The following RBFOX1 variants were observed in gnomAD, a reference collection of about 807,000 sequenced individuals.
The protein encoded by RBFOX1 is RNA binding fox-1 homolog 1.
A neutral mutation model predicts 57.7 loss-of-function variants in RBFOX1; 8 were observed. The ratio of observed to expected loss-of-function variants is 0.14; its 90% CI spans 0.08 to 0.25. The LOEUF (loss-of-function observed/expected upper bound fraction) is 0.25. Ranked by LOEUF, RBFOX1 falls within the 10% of genes least tolerant of loss-of-function variation. The probability of loss-of-function intolerance (pLI) is 1.00; values close to 1 mark genes in which losing one functional copy is unlikely to be tolerated. For missense variants in RBFOX1, 611 were observed against 548.5 expected, an observed-to-expected ratio of 1.11 and a Z score of -1.14; for synonymous variants, 326 against 222.4, an observed-to-expected ratio of 1.47 and a Z score of -4.15.
At chr16:7,164,334 A>G (rs184792420) in intron 4 of RBFOX1, among the ~76,000 whole-genome samples, 74 of 152,246 alleles carry the variant, frequency 4.9e-4, no homozygotes, top group Middle Eastern at 3.4e-3. Context: ...CATGGTCTGT[A>G]TATACCACAT....
chr16:6,904,404 C>G (rs2069243789), intron 3 of RBFOX1, among the ~76,000 whole-genome samples: 1 of 151,582 alleles, frequency 6.6e-6, no homozygotes, highest in Non-Finnish European at 1.5e-5. Context: ...AGTTTGAGAC[C>G]AGTCTGGCCA....
chr16:5,377,578 GAGA>G (rs1380604037), intron 1 of RBFOX1, among the ~76,000 whole-genome samples: 1 of 146,824 alleles, frequency 6.8e-6, no homozygotes, highest in African/African-American at 2.6e-5. Context: ...GGAAAGAGAG[GAGA>G]TGGGGGGAGA....
intron 2 of RBFOX1, among the ~76,000 whole-genome samples, chr16:6,567,158 C>G (rs1225853659): frequency 6.6e-6 from 1 of 152,148 alleles, no homozygotes; most frequent in East Asian, 1.9e-4. Context: ...AATGTTGACC[C>G]AGTCTTGGCA....
intron 1 of RBFOX1, among the ~76,000 whole-genome samples, chr16:5,372,549 C>T (rs964739508): frequency 1.3e-5 from 2 of 152,212 alleles, no homozygotes; most frequent in Non-Finnish European, 2.9e-5. Context: ...GCCTACACTT[C>T]TGCTGGGAAC....
At chr16:7,144,821 T>A (rs2074601196) in intron 4 of RBFOX1, among the ~76,000 whole-genome samples, 1 of 152,142 alleles carries the variant, frequency 6.6e-6, no homozygotes, top group Admixed American at 6.5e-5. Context: ...AAAAGAGTCT[T>A]TATGGCCCGA....
At chr16:5,911,228 C>T (rs1170999557) in intron 4 of RBFOX1, among the ~76,000 whole-genome samples, 1 of 152,142 alleles carries the variant, frequency 6.6e-6, no homozygotes, top group Non-Finnish European at 1.5e-5. Context: ...CTAGGGCCTC[C>T]CACTTGAGGT....
At chr16:7,251,881 T>G (rs2094511432) in intron 4 of RBFOX1, among the ~76,000 whole-genome samples, 1 of 152,210 alleles carries the variant, frequency 6.6e-6, no homozygotes, top group African/African-American at 2.4e-5. Flanking sequence ...ATATGGTAGT[T>G]CTATTTTTAA....
At chr16:5,983,498 G>A (rs936142797) in intron 4 of RBFOX1, among the ~76,000 whole-genome samples, 4 of 152,294 alleles carry the variant, frequency 2.6e-5, no homozygotes, top group East Asian at 1.9e-4. Flanking sequence ...AGAGGGGTAC[G>A]GTGGGGTAGG....
chr16:6,857,919 T>C (rs1231172917), intron 3 of RBFOX1, among the ~76,000 whole-genome samples: 2 of 152,182 alleles, frequency 1.3e-5, no homozygotes, highest in East Asian at 1.9e-4. Flanking sequence ...AGTCATTGCA[T>C]TTACTTTATT....
chr16:5,548,571 G>A (rs2045329848), intron 2 of RBFOX1, among the ~76,000 whole-genome samples: 1 of 151,960 alleles, frequency 6.6e-6, no homozygotes, highest in South Asian at 2.1e-4. Context: ...TCTCCATGAT[G>A]TGTTTATTTC....
chr16:7,492,226 A>AT (rs1273290331), intron 4 of RBFOX1, among the ~76,000 whole-genome samples: 2 of 152,250 alleles, frequency 1.3e-5, no homozygotes, highest in Non-Finnish European at 2.9e-5. Flanking sequence ...TCGTTTACCA[A>AT]TAAGAATGTT....
At chr16:6,816,987 A>T (rs1175094458) in intron 3 of RBFOX1, among the ~76,000 whole-genome samples, 2 of 152,006 alleles carry the variant, frequency 1.3e-5, no homozygotes, top group African/African-American at 4.8e-5. Context: ...TGCTCAAGCG[A>T]TCCCACTGCC....
At chr16:5,911,271 C>T (rs1003641570) in intron 4 of RBFOX1, among the ~76,000 whole-genome samples, 1 of 152,120 alleles carries the variant, frequency 6.6e-6, no homozygotes, top group African/African-American at 2.4e-5. Flanking sequence ...AGAAAAACGT[C>T]CATCATCTGT....
intron 3 of RBFOX1, among the ~76,000 whole-genome samples, chr16:6,828,816 C>G (rs955740205): frequency 6.6e-6 from 1 of 152,112 alleles, no homozygotes; most frequent in Non-Finnish European, 1.5e-5. Flanking sequence ...TGGATGGCAT[C>G]ACAATTCTAA....
chr16:6,569,247 C>G (rs1365618687), intron 2 of RBFOX1, among the ~76,000 whole-genome samples: 1 of 152,082 alleles, frequency 6.6e-6, no homozygotes, highest in Non-Finnish European at 1.5e-5. Context: ...AGAAATTACT[C>G]CCAAAGTTAG....
intron 2 of RBFOX1, among the ~76,000 whole-genome samples, chr16:6,317,911 G>A (rs2081306000): frequency 6.6e-6 from 1 of 152,170 alleles, no homozygotes; most frequent in African/African-American, 2.4e-5. Context: ...TCATAGGAAT[G>A]CAGAATTTCT....
chr16:6,097,972 C>T lies in RBFOX1; in HGVS notation c.-127+77980C>T, dbSNP rs1012819327. 2.0e-5 allele frequency among the ~76,000 whole-genome samples: 3 copies of T among 152,140 alleles called. No homozygotes were observed. The highest frequency in any genetic ancestry group is 4.4e-5 in the Non-Finnish European group (3 of 68,022). On this transcript the variant is annotated intron_variant, in intron 1 of 15. Transcript: ENST00000550418. This position sits in a 1 kb window ranked among gnomAD's most constrained non-coding sequence, Gnocchi z 5.0. The stretch of plus-strand genomic sequence containing the variant: ...TAGATGATCAGGGCCCCTGCTTGGT[C>T]TAGGATGGAGCCTGCAATTTTGCAT...
intron 4 of RBFOX1, among the ~76,000 whole-genome samples, chr16:7,301,771 G>A (rs556718750): frequency 5.9e-5 from 9 of 152,174 alleles, no homozygotes; most frequent in East Asian, 1.9e-4. Context: ...AAAGCAGTGC[G>A]AACCCGTCCG....
At chr16:6,970,431 A>T (rs181431682) in intron 3 of RBFOX1, among the ~76,000 whole-genome samples, 56 of 152,284 alleles carry the variant, frequency 3.7e-4, no homozygotes, top group African/African-American at 1.3e-3. Flanking sequence ...CTGCTACATC[A>T]AGATACCTTA....
Sources: gnomAD v4.1 joint callset for allele counts (sites outside exome capture counted in the v4.1 genomes callset) on GRCh38, gnomAD v4.1.1 for gene constraint, Gnocchi (gnomAD v3.1) non-coding constraint, MANE v1.5 for transcripts, NCBI Gene and HGNC (gene_info 2026-07-23, HGNC 2026-07-21) for gene names.